Variants in CNTN4 observed in about 807,000 individuals in gnomAD.
The protein encoded by CNTN4 is contactin 4.
A neutral mutation model predicts 122.5 loss-of-function variants in CNTN4; 77 were observed. That is an observed-to-expected ratio of 0.63 (90% CI 0.52 to 0.76). The LOEUF is 0.76. CNTN4 is among the 30% of genes least tolerant of loss of function. The pLI, the probability that CNTN4 is intolerant of heterozygous loss-of-function variation, is 0.00. For missense variants in CNTN4, 1,256 were observed against 1,259.1 expected, an observed-to-expected ratio of 1.00 and a Z score of 0.04; for synonymous variants, 512 against 447.0, an observed-to-expected ratio of 1.15 and a Z score of -1.83.
chr3:2,907,781 G>C (rs1417610335), intron 12 of CNTN4, among the ~76,000 whole-genome samples: 1 of 152,130 alleles, frequency 6.6e-6, no homozygotes, highest in East Asian at 1.9e-4. Flanking sequence ...TATGTGTTCT[G>C]TCTTGGTATT....
At chr3:3,042,509 C>T (rs1700255098) in intron 21 of CNTN4, 87 bp downstream of exon 21, 2 of 843,006 alleles carry the variant, frequency 2.4e-6, no homozygotes, top group Admixed American at 3.8e-5. Context: ...AGGAAGAGAC[C>T]CACATTCCCA....
intron 4 of CNTN4, among the ~76,000 whole-genome samples, chr3:2,587,601 TG>T (rs2080260079): frequency 6.6e-6 from 1 of 152,216 alleles, no homozygotes; most frequent in South Asian, 2.1e-4. Flanking sequence ...TAACCAGACT[TG>T]AAGGTGATTC....
At chr3:2,171,297 A>G (rs188218807) in intron 2 of CNTN4, among the ~76,000 whole-genome samples, 1 of 152,194 alleles carries the variant, frequency 6.6e-6, no homozygotes, top group African/African-American at 2.4e-5. Context: ...TGGACCTGGA[A>G]AAATGCCATT....
At chr3:2,869,294 C>T (rs1225703340) in intron 8 of CNTN4, among the ~76,000 whole-genome samples, 1 of 151,710 alleles carries the variant, frequency 6.6e-6, no homozygotes, top group Non-Finnish European at 1.5e-5. Flanking sequence ...AATACTACTG[C>T]AATTAATTCA....
intron 2 of CNTN4, among the ~76,000 whole-genome samples, chr3:2,244,935 C>G (rs2040084063): frequency 6.6e-6 from 1 of 151,988 alleles, no homozygotes; most frequent in Admixed American, 6.6e-5. Context: ...TTAAAAAATT[C>G]ATGATATTTA....
At chr3:2,790,693 G>C (rs2091981125) in intron 6 of CNTN4, among the ~76,000 whole-genome samples, 1 of 152,188 alleles carries the variant, frequency 6.6e-6, no homozygotes. Flanking sequence ...GGGCAAGTTT[G>C]ATGTCTGTCA....
At chr3:2,486,677 G>T (rs1030944715) in intron 3 of CNTN4, among the ~76,000 whole-genome samples, 3 of 152,100 alleles carry the variant, frequency 2.0e-5, no homozygotes, top group Non-Finnish European at 4.4e-5. Context: ...CAGAATACCA[G>T]CTTGGCTGAG....
chr3:2,138,066 CTT>C (rs374358543), intron 2 of CNTN4, among the ~76,000 whole-genome samples: 16 of 135,964 alleles, frequency 1.2e-4, no homozygotes, highest in East Asian at 4.4e-4. Flanking sequence ...TCTTCTTCTT[CTT>C]TTTTTTTTTT....
chr3:2,143,021 C>T (rs1337328943), intron 2 of CNTN4, among the ~76,000 whole-genome samples: 1 of 152,200 alleles, frequency 6.6e-6, no homozygotes, highest in African/African-American at 2.4e-5. Flanking sequence ...AAACGTATGT[C>T]ATGCTTTGAG....
intron 13 of CNTN4, among the ~76,000 whole-genome samples, chr3:2,969,519 T>TATGATTATG (rs1553710727): frequency 5.9e-4 from 90 of 151,436 alleles, no homozygotes; most frequent in African/African-American, 2.2e-3. Flanking sequence ...AAATTGGGAT[T>TATGATTATG]ATTATTATTA....
At chr3:3,051,494 G>A (rs1418735812) in intron 23 of CNTN4, among the ~76,000 whole-genome samples, 3 of 152,174 alleles carry the variant, frequency 2.0e-5, no homozygotes, top group Non-Finnish European at 4.4e-5. Flanking sequence ...AAGGACCAGA[G>A]GTAAATCAAA....
intron 4 of CNTN4, among the ~76,000 whole-genome samples, chr3:2,702,962 C>T (rs904083283): frequency 1.3e-5 from 2 of 152,110 alleles, no homozygotes; most frequent in African/African-American, 4.8e-5. Context: ...TTAGAGTGTC[C>T]TTTCTTGATA....
At chr3:2,511,069 G>A (rs2076872745) in intron 3 of CNTN4, among the ~76,000 whole-genome samples, 1 of 152,026 alleles carries the variant, frequency 6.6e-6, no homozygotes, top group Non-Finnish European at 1.5e-5. Flanking sequence ...CGTGTATGTC[G>A]CATAAAATCC....
chr3:2,409,542 C>A (rs779093088), intron 3 of CNTN4, among the ~76,000 whole-genome samples: 1 of 152,026 alleles, frequency 6.6e-6, no homozygotes, highest in Non-Finnish European at 1.5e-5. Context: ...CCACTGTGCT[C>A]GGCCTCTAGA....
chr3:2,658,430 C>G (rs1008404391), intron 4 of CNTN4, among the ~76,000 whole-genome samples: 2 of 152,162 alleles, frequency 1.3e-5, no homozygotes, highest in Non-Finnish European at 1.5e-5. Flanking sequence ...ACTTACATCA[C>G]ATGACTATGA....
At chr3:2,757,505 C>T (rs540410972) in intron 6 of CNTN4, among the ~76,000 whole-genome samples, 3 of 152,160 alleles carry the variant, frequency 2.0e-5, no homozygotes, top group African/African-American at 7.2e-5. Context: ...GTGGCTGTAA[C>T]CGTTCCACTG....
In CNTN4 at chr3:2,666,304, T is replaced by G. The variant is rs149563826; in HGVS notation, c.56-69911T>G. Among the ~76,000 whole-genome samples the G allele has an allele frequency of 5.3e-5, 8 of 152,336 alleles. No individual in the cohort carries two copies. In the East Asian group the frequency reaches 9.6e-4, roughly 18 times the overall value. ...TTTAATTTGCTTCCAGAGTCTTGTT[T>G]TTGTAGAATAGCTTAAGTCTTCATA... On this transcript the variant is annotated intron_variant, in intron 4 of 24. Transcript: ENST00000418658.
At chr3:2,704,834 A>C (rs1423427716) in intron 4 of CNTN4, among the ~76,000 whole-genome samples, 1 of 152,136 alleles carries the variant, frequency 6.6e-6, no homozygotes, top group Non-Finnish European at 1.5e-5. Flanking sequence ...ATGACAGTTG[A>C]AGTTTAAGTC....
At chr3:2,280,494 C>A (rs1051599761) in intron 2 of CNTN4, among the ~76,000 whole-genome samples, 1 of 151,954 alleles carries the variant, frequency 6.6e-6, no homozygotes, top group Non-Finnish European at 1.5e-5. Context: ...GTTTCTTGCC[C>A]CTGGTCCCAC....
Sources: allele counts gnomAD v4.1 joint callset (sites outside exome capture counted in the v4.1 genomes callset), GRCh38; gene constraint gnomAD v4.1.1; transcripts MANE v1.5; gene names NCBI Gene and HGNC (gene_info 2026-07-23, HGNC 2026-07-21).